The following RASSF8 variants were observed in gnomAD, a reference collection of about 807,000 sequenced individuals.
The protein encoded by RASSF8 is ras association domain-containing protein 8.
Under a neutral mutation model 48.5 loss-of-function variants are expected in RASSF8, and 22 were observed. The ratio of observed to expected loss-of-function variants is 0.45; its 90% CI spans 0.32 to 0.65. The LOEUF is 0.65. Among genes scored for constraint, RASSF8 ranks in the 30% least tolerant of loss-of-function variants. The pLI, the probability that RASSF8 is intolerant of heterozygous loss-of-function variation, is 0.03. For missense variants in RASSF8, 418 were observed against 489.2 expected, an observed-to-expected ratio of 0.85 and a Z score of 1.37; for synonymous variants, 127 against 171.5, an observed-to-expected ratio of 0.74 and a Z score of 2.03.
chr12:26,016,962 A>AT (rs1263305614), intron 2 of RASSF8, among the ~76,000 whole-genome samples: 1 of 151,880 alleles, frequency 6.6e-6, no homozygotes, highest in Non-Finnish European at 1.5e-5. Context: ...CTAGACAAGT[A>AT]TTTTTTTCCA....
chr12:26,052,043 G>A (rs569959854), intron 2 of RASSF8, among the ~76,000 whole-genome samples: 3 of 152,286 alleles, frequency 2.0e-5, no homozygotes, highest in African/African-American at 4.8e-5. Flanking sequence ...GACAGTATGA[G>A]AGCTGAAACA....
At chr12:26,025,323 C>T (rs1431929276) in intron 2 of RASSF8, among the ~76,000 whole-genome samples, 1 of 151,932 alleles carries the variant, frequency 6.6e-6, no homozygotes, top group Admixed American at 6.6e-5. Flanking sequence ...TTTGGGAAGC[C>T]GAGGCGGGCA....
At chr12:25,968,973 C>G (rs1345083701) in intron 1 of RASSF8, among the ~76,000 whole-genome samples, 1 of 152,162 alleles carries the variant, frequency 6.6e-6, no homozygotes, top group Non-Finnish European at 1.5e-5. Context: ...CTCTGGCTGC[C>G]TACAGGAAGA....
At chr12:26,073,746 T>TCTCTACACACACACACACAC (rs10678881), downstream of RASSF8, among the ~76,000 whole-genome samples, 6 of 46,348 alleles carry the variant, frequency 1.3e-4, no homozygotes, top group Admixed American at 2.9e-4. Context: ...TCTCTCTCTC[T>TCTCTACACACACACACACAC]ATACACACAC....
At chr12:25,998,079 C>T (rs943717793) in intron 2 of RASSF8, among the ~76,000 whole-genome samples, 6 of 152,086 alleles carry the variant, frequency 3.9e-5, no homozygotes, top group South Asian at 2.1e-4. Flanking sequence ...CATTGGTTAA[C>T]GTGCAAGTCT....
intron 2 of RASSF8, among the ~76,000 whole-genome samples, chr12:26,017,650 G>T (rs11048380): frequency 0.071 from 10,775 of 152,290 alleles, 742 homozygotes; most frequent in East Asian, 0.27. Context: ...GAGGGAACCT[G>T]CTGGTTGCTG....
At position 26,065,209 on chromosome 12, in the gene RASSF8, T is replaced by C; in HGVS notation, c.815T>C (p.Leu272Pro). The C allele has an allele frequency of 6.2e-7, 1 of 1,614,152 alleles. No individual in the cohort carries two copies. The highest frequency in any genetic ancestry group is 8.5e-7 in the Non-Finnish European group (1 of 1,180,022). Residue 272 changes from leucine (L) to proline (P), a missense_variant, in exon 4 of 6, where the codon CTT (leucine) becomes CCT (proline). Leu to Pro is a moderately conservative substitution (Grantham distance 98, BLOSUM62 -3). Transcript: ENST00000689635. Reference sequence around the variant, plus strand: ...CAGATCCGGACTATGGAAAGTGGTCTTGAAGCAGAAAAATTGCAACGGGAA... The same window carrying C: ...CAGATCCGGACTATGGAAAGTGGTCCTGAAGCAGAAAAATTGCAACGGGAA... ...LAQIRTMESG[L>P]EAEKLQREVQ...
chr12:26,067,507 A>T, intron 4 of RASSF8, 62 bp from the exon 5 acceptor site: 4 of 1,471,810 alleles, frequency 2.7e-6, no homozygotes, highest in Non-Finnish European at 2.8e-6. Flanking sequence ...ATCCTCACAA[A>T]GATGTCTTGC....
chr12:26,044,182 G>A (rs1591794904), intron 2 of RASSF8, among the ~76,000 whole-genome samples: 1 of 152,126 alleles, frequency 6.6e-6, no homozygotes, highest in South Asian at 2.1e-4. Context: ...GCAGGCTGGA[G>A]ATTTTTGTGA....
At chr12:25,994,284 A>ATT (rs1942082128) in intron 1 of RASSF8, among the ~76,000 whole-genome samples, 1 of 152,164 alleles carries the variant, frequency 6.6e-6, no homozygotes, top group Non-Finnish European at 1.5e-5. Context: ...TTTTTAAAAA[A>ATT]AAAAAAAATG....
chr12:25,997,316 G>A (rs1942156010), intron 2 of RASSF8, among the ~76,000 whole-genome samples: 1 of 152,016 alleles, frequency 6.6e-6, no homozygotes, highest in Non-Finnish European at 1.5e-5. Context: ...TGATAAACAG[G>A]ACTTAGTTCT....
chr12:26,071,116 G>T lies in RASSF8; in HGVS notation c.*2298G>T, dbSNP rs1943991147. On this transcript the variant is annotated 3_prime_UTR_variant, in exon 6 of 6. Coordinates refer to ENST00000689635, the MANE Select transcript of RASSF8 (RefSeq NM_001394098.1). ...GTGAATATGTTGAATACATTGAGAA[G>T]CTGTACTTTTTAATTAGTTATATTA... The T allele has an allele frequency of 2.1e-6, 2 of 973,448 alleles. No homozygotes were observed. The highest frequency in any genetic ancestry group is 2.4e-6 in the Non-Finnish European group (2 of 819,126). 60.3% of individuals were successfully genotyped at this position (973,448 alleles called of 1,614,324 possible). A position where few individuals can be genotyped will look rare whatever the true frequency, so the allele number is the denominator to read the frequency against.
Position 26,071,014 on chromosome 12 carries a change from T to C in RASSF8, c.*2196T>C. The stretch of plus-strand genomic sequence containing the variant: ...ACCTCTCTGACAACTTCATCAGAAT[T>C]TCCAAGCTGCCAAATAATCTTCATA... On this transcript the variant is annotated 3_prime_UTR_variant, in exon 6 of 6. Coordinates refer to ENST00000689635, the MANE Select transcript of RASSF8 (RefSeq NM_001394098.1). The C allele has an allele frequency of 1.0e-6, 1 of 985,258 alleles. No individual in the cohort carries two copies. The highest frequency in any genetic ancestry group is 1.2e-6 in the Non-Finnish European group (1 of 829,798). The allele number at this position is 985,258 out of a possible 1,614,324, so 61.0% of individuals were successfully genotyped here.
intron 2 of RASSF8, among the ~76,000 whole-genome samples, chr12:26,028,544 A>G (rs1942963763): frequency 6.6e-6 from 1 of 152,244 alleles, no homozygotes; most frequent in Non-Finnish European, 1.5e-5. Flanking sequence ...TTGGCCACGT[A>G]CATGAAATTA....
intron 1 of RASSF8, among the ~76,000 whole-genome samples, chr12:25,984,817 T>C (rs1190168447): frequency 2.0e-5 from 3 of 152,254 alleles, no homozygotes; most frequent in Non-Finnish European, 4.4e-5. Context: ...TTACTCATTT[T>C]ATGAGTACTC....
chr12:26,012,291 C>T (rs999785105), intron 2 of RASSF8, among the ~76,000 whole-genome samples: 2 of 152,182 alleles, frequency 1.3e-5, no homozygotes, highest in Non-Finnish European at 2.9e-5. Context: ...CATCTCCCGG[C>T]ATATATAGTA....
At chr12:26,019,597 G>GTC (rs1405523153) in intron 2 of RASSF8, among the ~76,000 whole-genome samples, 1 of 124,300 alleles carries the variant, frequency 8.0e-6, no homozygotes, top group African/African-American at 3.1e-5. Context: ...GTGTGTGTGT[G>GTC]TGTGTGTCTG....
chr12:26,012,401 ATGAATATT>A (rs1942547736), intron 2 of RASSF8, among the ~76,000 whole-genome samples: 1 of 152,190 alleles, frequency 6.6e-6, no homozygotes. Context: ...GTAACTGGCA[ATGAATATT>A]TGAGTATTGA....
chr12:26,004,107 G>A (rs925994485), intron 2 of RASSF8, among the ~76,000 whole-genome samples: 1 of 152,162 alleles, frequency 6.6e-6, no homozygotes, highest in African/African-American at 2.4e-5. Flanking sequence ...AGCCTGGGAG[G>A]TCAAGGCTGC....
Sources: gnomAD v4.1 joint callset for allele counts (sites outside exome capture counted in the v4.1 genomes callset) on GRCh38, gnomAD v4.1.1 for gene constraint, MANE v1.5 for transcripts, NCBI Gene and HGNC (gene_info 2026-07-23, HGNC 2026-07-21) for gene names.